The following BCAM variants were observed in gnomAD, a reference collection of about 807,000 sequenced individuals.
The protein encoded by BCAM is basal cell adhesion molecule.
Under a neutral mutation model 72.4 loss-of-function variants are expected in BCAM, and 61 were observed. The ratio of observed to expected loss-of-function variants is 0.84; its 90% CI spans 0.69 to 1.04. The LOEUF (loss-of-function observed/expected upper bound fraction) is 1.04, where lower values mean the gene tolerates loss of function less well. BCAM is among the 50% of genes least tolerant of loss of function. BCAM has a pLI of 0.00. For missense variants in BCAM, 909 were observed against 895.0 expected (o/e 1.02, Z -0.20); for synonymous variants, 408 against 384.2 (o/e 1.06, Z -0.73).
In BCAM at chr19:44,819,876, A is replaced by G. The variant is rs1304216108; in HGVS notation, c.1763+150A>G. On this transcript the variant is annotated intron_variant, in intron 13 of 14. Coordinates refer to ENST00000270233, the MANE Select transcript of BCAM (RefSeq NM_005581.5). ...CATCCCCAACCCATCCTCATCCCCA[A>G]CTACAGCCCCAAACCCAGCCCCAGA... 7.1e-6 allele frequency: 10 copies of G among 1,408,380 alleles called. No homozygotes were observed. In the African/African-American group the frequency reaches 7.3e-5, roughly 10 times the overall value. 87.2% of individuals were successfully genotyped at this position (1,408,380 alleles called of 1,614,324 possible).
In BCAM at chr19:44,813,459, C is replaced by CG; in HGVS notation, c.625dup (p.Val209GlyfsTer22). 1.2e-6 allele frequency: 2 copies of CG among 1,611,424 alleles called. No homozygotes were observed. The highest frequency in any genetic ancestry group is 1.7e-6 in the Non-Finnish European group (2 of 1,179,628). On this transcript the variant is annotated frameshift_variant, in exon 6 of 15. Coordinates refer to ENST00000270233, the MANE Select transcript of BCAM (RefSeq NM_005581.5). LOFTEE classifies it high-confidence loss of function. This position sits in a 1 kb window ranked among gnomAD's most constrained non-coding sequence, Gnocchi z 4.2. ...CCAGAGGGCTACATGACCAGCCGCA[C>CG]GGTCCGGGAGGCCTCGGGCCTGCTC...
At chr19:44,819,921 A>G in intron 13 of BCAM, 195 bp downstream of exon 13, 1 of 374,142 alleles carries the variant, frequency 2.7e-6, no homozygotes, top group Non-Finnish European at 3.2e-6. Flanking sequence ...AGCCATCCCC[A>G]ACTCATCCTC....
In BCAM at chr19:44,812,028, G is replaced by C. The variant is rs370653537; in HGVS notation, c.205-135G>C. 1.1e-5 allele frequency: 9 copies of C among 826,180 alleles called. No individual in the cohort carries two copies. The Admixed American group carries it at 2.5e-4, about 23-fold the overall frequency. 51.2% of individuals were successfully genotyped at this position (826,180 alleles called of 1,614,324 possible). A position where few individuals can be genotyped will look rare whatever the true frequency, so the allele number is the denominator to read the frequency against. The stretch of plus-strand genomic sequence containing the variant: ...ATGGGGGCAGGAGAAGGTGGGGAGG[G>C]ACAGAGGGACCAGGGAGACCCATAA... On this transcript the variant is annotated intron_variant, in intron 2 of 14. Coordinates refer to ENST00000270233, the MANE Select transcript of BCAM (RefSeq NM_005581.5). This position sits in a 1 kb window ranked among gnomAD's most constrained non-coding sequence, Gnocchi z 5.3.
Position 44,812,648 on chromosome 19 carries a change from T to A in BCAM, c.504+100T>A. ...GGAGGAGGGGCTGGGGACCCCTGGG[T>A]AATAAAGGAGGAGGGGTAAGGCCAG... On this transcript the variant is annotated intron_variant, in intron 4 of 14. Coordinates refer to ENST00000270233, the MANE Select transcript of BCAM (RefSeq NM_005581.5). This position sits in a 1 kb window ranked among gnomAD's most constrained non-coding sequence, Gnocchi z 5.3. 7.1e-7 allele frequency: 1 copy of A among 1,412,682 alleles called. No individual in the cohort carries two copies. Among genetic ancestry groups the A allele is most frequent in the Non-Finnish European group, 9.7e-7 (1 of 1,035,590 alleles). 87.5% of individuals were successfully genotyped at this position (1,412,682 alleles called of 1,614,324 possible).
At position 44,814,727 on chromosome 19, in the gene BCAM, C is replaced by A. The variant is rs1164839566; in HGVS notation, c.1045C>A (p.Gln349Lys). Residue 349 changes from glutamine to lysine, a missense_variant, in exon 8 of 15, where the codon CAG becomes AAG. Coordinates refer to ENST00000270233, the MANE Select transcript of BCAM (RefSeq NM_005581.5). This position sits in a 1 kb window ranked among gnomAD's most constrained non-coding sequence, Gnocchi z 4.6. ...VEDYDAADDVQLSKTLELRVA... is the reference protein window; with the variant it reads ...VEDYDAADDVKLSKTLELRVA... ...GGATTACGACGCGGCAGATGACGTG[C>A]AGCTCTCCAAGACGCTGGAGCTGCG... 6.2e-7 allele frequency: 1 copy of A among 1,613,486 alleles called. No individual in the cohort carries two copies. Among genetic ancestry groups the A allele is most frequent in the Non-Finnish European group, 8.5e-7 (1 of 1,179,970 alleles).
At position 44,820,820 on chromosome 19, in the gene BCAM, G is replaced by T. The variant is rs1008385792; in HGVS notation, c.1879G>T (p.Glu627Ter). The T allele has an allele frequency of 1.9e-5, 29 of 1,511,610 alleles. No individual in the cohort carries two copies. Among genetic ancestry groups the T allele is most frequent in the Non-Finnish European group, 2.6e-5 (29 of 1,128,820 alleles). The allele number at this position is 1,511,610 out of a possible 1,614,324, so 93.6% of individuals were successfully genotyped here. The change falls in exon 14 of 15, where the codon GAG (glutamate) becomes TAG (stop). Residue 627 changes from glutamate (E) to a stop codon, truncating the protein, a stop_gained and splice_region_variant. Transcript: ENST00000270233. LOFTEE classifies it high-confidence loss of function. ...ARGGSGGFGD[E>*]C ...GGGTGGCAGCGGGGGCTTCGGAGAC[G>T]AGGTGGGTGAGGGCCTGGGCCCCCT...
At position 44,821,092 on chromosome 19, in the gene BCAM, C is replaced by T. The variant is rs2122573970; in HGVS notation, c.*171C>T. On this transcript the variant is annotated 3_prime_UTR_variant, in exon 15 of 15. Coordinates refer to ENST00000270233, the MANE Select transcript of BCAM (RefSeq NM_005581.5). ...GCAGGGACCCACAGTGGCTGCCTGC[C>T]TCCGGGAGGGAAGGAGAGGGAGGGT... The T allele has an allele frequency of 1.2e-6, 1 of 819,688 alleles. No homozygotes were observed. The highest frequency in any genetic ancestry group is 1.7e-6 in the Non-Finnish European group (1 of 593,334). The allele number at this position is 819,688 out of a possible 1,614,324, so 50.8% of individuals were successfully genotyped here. A position where few individuals can be genotyped will look rare whatever the true frequency, so the allele number is the denominator to read the frequency against.
In BCAM at chr19:44,814,526, C is replaced by A; in HGVS notation, c.922-78C>A. 6.4e-7 allele frequency: 1 copy of A among 1,552,434 alleles called. No individual in the cohort carries two copies. Among genetic ancestry groups the A allele is most frequent in the Non-Finnish European group, 8.7e-7 (1 of 1,144,642 alleles). ...GATTCTGGCTTAGCATGACACTAAC[C>A]TGGTGGCTTCTGACCTAGCATGAGC... On this transcript the variant is annotated intron_variant, in intron 7 of 14. Transcript: ENST00000270233. The surrounding 1 kb of genome is among the most constrained non-coding windows in gnomAD (Gnocchi z 4.6).
chr19:44,813,680 C>T lies in BCAM; in HGVS notation c.784+60C>T, dbSNP rs1599885272. 1.3e-6 allele frequency: 2 copies of T among 1,562,278 alleles called. No homozygotes were observed. Among genetic ancestry groups the T allele is most frequent in the East Asian group, 2.3e-5 (1 of 44,248 alleles). On this transcript the variant is annotated intron_variant, in intron 6 of 14. Transcript: ENST00000270233. The surrounding 1 kb of genome is among the most constrained non-coding windows in gnomAD (Gnocchi z 4.2). Reference sequence around the variant, plus strand: ...GGCTCCACACCTCATGAGGCCTGACCCTCCACCCGGGGGCTTCACACTCCC... The same window carrying T: ...GGCTCCACACCTCATGAGGCCTGACTCTCCACCCGGGGGCTTCACACTCCC...
Position 44,820,690 on chromosome 19 carries a change from G to C in BCAM, c.1764-15G>C. Reference sequence around the variant, plus strand: ...CTCCAACACGACGCCTCCGCCCGCTGCCTCCTCCCCCCAGGCCGCCAGGGG... The same window carrying C: ...CTCCAACACGACGCCTCCGCCCGCTCCCTCCTCCCCCCAGGCCGCCAGGGG... On this transcript the variant is annotated splice_polypyrimidine_tract_variant and intron_variant, in intron 13 of 14. Coordinates refer to ENST00000270233, the MANE Select transcript of BCAM (RefSeq NM_005581.5). 7.2e-7 allele frequency: 1 copy of C among 1,383,122 alleles called. No individual in the cohort carries two copies. 85.7% of individuals were successfully genotyped at this position (1,383,122 alleles called of 1,614,324 possible). A position where few individuals can be genotyped will look rare whatever the true frequency, so the allele number is the denominator to read the frequency against.
At chr19:44,811,156 A>G in intron 1 of BCAM, 69 bp from the exon 2 acceptor site, 1 of 1,603,146 alleles carries the variant, frequency 6.2e-7, no homozygotes, top group Non-Finnish European at 8.5e-7. Flanking sequence ...GTCCTGGGGG[A>G]GAGGGGACCC....
In BCAM at chr19:44,812,078, G is replaced by T. The variant is rs956640341; in HGVS notation, c.205-85G>T. 3.0e-5 allele frequency: 39 copies of T among 1,318,988 alleles called. No individual in the cohort carries two copies. In the African/African-American group the frequency reaches 4.5e-4, roughly 15 times the overall value. The allele number at this position is 1,318,988 out of a possible 1,614,324, so 81.7% of individuals were successfully genotyped here. ...ACAAGAGGAAAAGAGGCAGAGCCAG[G>T]AGCTGCAGAGAGAAAGGACCCAGAG... On this transcript the variant is annotated intron_variant, in intron 2 of 14. Coordinates refer to ENST00000270233, the MANE Select transcript of BCAM (RefSeq NM_005581.5). The surrounding 1 kb of genome is among the most constrained non-coding windows in gnomAD (Gnocchi z 5.3).
chr19:44,812,243 C>T lies in BCAM; in HGVS notation c.285C>T (p.Thr95=). The change falls in exon 3 of 15, where the codon ACC becomes ACT. Residue 95 remains threonine (T), a synonymous_variant. Transcript: ENST00000270233. This position sits in a 1 kb window ranked among gnomAD's most constrained non-coding sequence, Gnocchi z 5.3. ...GSELQVTMHD[T]RGRSPPYQLD... ...AGCTCCAGGTCACAATGCACGACACCCGGGGCCGCAGTCCCCCATACCAGC... is the reference window on the plus strand; with the variant it reads ...AGCTCCAGGTCACAATGCACGACACTCGGGGCCGCAGTCCCCCATACCAGC... 6.2e-7 allele frequency: 1 copy of T among 1,608,564 alleles called. No individual in the cohort carries two copies. The highest frequency in any genetic ancestry group is 8.5e-7 in the Non-Finnish European group (1 of 1,177,780).
intron 8 of BCAM, among the ~76,000 whole-genome samples, chr19:44,815,321 C>T (rs1375051956): frequency 6.6e-6 from 1 of 152,162 alleles, no homozygotes; most frequent in Non-Finnish European, 1.5e-5. Flanking sequence ...TCAGTTCATT[C>T]GCATCCAGGC....
chr19:44,819,906 T>C, intron 13 of BCAM, 180 bp downstream of exon 13: 4 of 1,362,166 alleles, frequency 2.9e-6, no homozygotes, highest in Non-Finnish European at 3.8e-6. Context: ...CCCAGACTAA[T>C]CCACAGCCAT....
rs891737407 is a variant in BCAM at position 44,820,315 on chromosome 19, C to G, written c.1764-390C>G. On this transcript the variant is annotated intron_variant, in intron 13 of 14. Transcript: ENST00000270233. Reference sequence around the variant, plus strand: ...CCACCGTCCCGAAGCCAACTTCACCCATGTCCCCATCCCCAATCTTGTCCC... The same window carrying G: ...CCACCGTCCCGAAGCCAACTTCACCGATGTCCCCATCCCCAATCTTGTCCC... 7.7e-6 allele frequency: 8 copies of G among 1,043,534 alleles called. No homozygotes were observed. The African/African-American group carries it at 1.4e-4, about 18-fold the overall frequency. The allele number at this position is 1,043,534 out of a possible 1,614,324, so 64.6% of individuals were successfully genotyped here.
At chr19:44,809,976 T>C (rs1366871313) in intron 1 of BCAM, among the ~76,000 whole-genome samples, 1 of 152,002 alleles carries the variant, frequency 6.6e-6, no homozygotes, top group Non-Finnish European at 1.5e-5. Context: ...GACCCAGCCT[T>C]AGGCACCAGC....
rs372438582 is a variant in BCAM at position 44,820,941 on chromosome 19, C to T, written c.*20C>T. On this transcript the variant is annotated 3_prime_UTR_variant, in exon 15 of 15. Transcript: ENST00000270233. Reference sequence around the variant, plus strand: ...TGCTGAGCCAAGAACCTCCTAGAGGCTGTCCCTGGACCTGGAGCTGCAGGC... The same window carrying T: ...TGCTGAGCCAAGAACCTCCTAGAGGTTGTCCCTGGACCTGGAGCTGCAGGC... The T allele has an allele frequency of 1.6e-4, 252 of 1,555,580 alleles. No individual in the cohort carries two copies. Among genetic ancestry groups the T allele is most frequent in the Middle Eastern group, 1.3e-3 (7 of 5,554 alleles).
In BCAM at chr19:44,809,107, T is replaced by TCCG. The variant is rs28399599; in HGVS notation, c.-8_-6dup. On this transcript the variant is annotated 5_prime_UTR_variant, in exon 1 of 15. Coordinates refer to ENST00000270233, the MANE Select transcript of BCAM (RefSeq NM_005581.5). Reference sequence around the variant, plus strand: ...GCCGAGCTGCAGCCCGGGCTCAGTCTCCGCCGCCGCCGTGAACATGGAGCC... The same window carrying TCCG: ...GCCGAGCTGCAGCCCGGGCTCAGTCTCCGCCGCCGCCGCCGTGAACATGGAGCC... 1.5e-3 allele frequency: 2,138 copies of TCCG among 1,421,236 alleles called. 22 individuals carry two copies. The African/African-American group carries it at 0.028, about 19-fold the overall frequency. The allele number at this position is 1,421,236 out of a possible 1,614,324, so 88.0% of individuals were successfully genotyped here. A position where few individuals can be genotyped will look rare whatever the true frequency, so the allele number is the denominator to read the frequency against.
Sources: gnomAD v4.1 joint callset for allele counts (sites outside exome capture counted in the v4.1 genomes callset) on GRCh38, gnomAD v4.1.1 for gene constraint, Gnocchi (gnomAD v3.1) non-coding constraint, MANE v1.5 for transcripts, NCBI Gene and HGNC (gene_info 2026-07-23, HGNC 2026-07-21) for gene names.